Variants in STOM observed in about 807,000 individuals in gnomAD.
The protein encoded by STOM is stomatin.
STOM carries 25 observed loss-of-function variants against 30.6 expected under a neutral mutation model. The observed-to-expected ratio is 0.82, with a 90% confidence interval of 0.60 to 1.14. The LOEUF is 1.14. STOM is among the 50% of genes most tolerant of loss of function. The pLI is 0.00. For missense variants in STOM, 292 were observed against 365.2 expected (o/e 0.80, Z 1.63); for synonymous variants, 118 against 130.8 (o/e 0.90, Z 0.67).
At chr9:121,356,880 G>A (rs961675026) in intron 1 of STOM, among the ~76,000 whole-genome samples, 1 of 152,212 alleles carries the variant, frequency 6.6e-6, no homozygotes, top group Non-Finnish European at 1.5e-5. Flanking sequence ...CTACTGGGAA[G>A]GCTGAGGCAG....
chr9:121,352,994 G>A (rs576370707), intron 4 of STOM, among the ~76,000 whole-genome samples: 1 of 152,290 alleles, frequency 6.6e-6, no homozygotes, highest in Non-Finnish European at 1.5e-5. Flanking sequence ...TCGGGAGGCT[G>A]AGGCACGAGA....
chr9:121,357,668 C>T (rs745458025), intron 1 of STOM, among the ~76,000 whole-genome samples: 2 of 151,774 alleles, frequency 1.3e-5, no homozygotes, highest in Non-Finnish European at 2.9e-5. Context: ...GAACTCCTGA[C>T]GTCAAGTGAT....
At chr9:121,353,393 G>C (rs2064356821) in intron 3 of STOM, 91 bp from the exon 4 acceptor site, 4 of 746,022 alleles carry the variant, frequency 5.4e-6, no homozygotes, top group Non-Finnish European at 2.1e-6. Flanking sequence ...CTAGTGAACT[G>C]AAAAGTCACC....
intron 4 of STOM, 63 bp from the exon 5 acceptor site, chr9:121,349,386 A>T: frequency 2.8e-6 from 4 of 1,403,968 alleles, no homozygotes; most frequent in Non-Finnish European, 4.0e-6. Context: ...AACTGTAAGG[A>T]ATGTTATTCT....
chr9:121,358,703 A>G (rs1175811104), intron 1 of STOM, among the ~76,000 whole-genome samples: 1 of 152,192 alleles, frequency 6.6e-6, no homozygotes, highest in East Asian at 1.9e-4. Context: ...GTGAGGTATC[A>G]CTGGTTTTCT....
intron 1 of STOM, among the ~76,000 whole-genome samples, chr9:121,359,009 T>C (rs1047940967): frequency 1.1e-4 from 17 of 152,204 alleles, no homozygotes; most frequent in African/African-American, 4.1e-4. Flanking sequence ...TCCTCATTTT[T>C]AGTTTGCTTT....
At chr9:121,350,951 T>C (rs1377578352) in intron 4 of STOM, among the ~76,000 whole-genome samples, 1 of 152,226 alleles carries the variant, frequency 6.6e-6, no homozygotes, top group Non-Finnish European at 1.5e-5. Context: ...TCCCATGACA[T>C]GATGGGAAAA....
At chr9:121,343,974 C>A (rs2064268205) in intron 6 of STOM, among the ~76,000 whole-genome samples, 1 of 152,078 alleles carries the variant, frequency 6.6e-6, no homozygotes, top group African/African-American at 2.4e-5. Context: ...GTTTGGGGAG[C>A]TATTCTCCCT....
chr9:121,342,008 C>A (rs1426399088), intron 6 of STOM, among the ~76,000 whole-genome samples: 2 of 152,098 alleles, frequency 1.3e-5, no homozygotes, highest in Non-Finnish European at 2.9e-5. Context: ...TAGCATTAAA[C>A]AACAGCCATC....
At chr9:121,345,142 G>A (rs2064278104) in intron 6 of STOM, among the ~76,000 whole-genome samples, 1 of 152,178 alleles carries the variant, frequency 6.6e-6, no homozygotes, top group African/African-American at 2.4e-5. Context: ...TCTAGTACAT[G>A]CCTTTTGGTA....
intron 1 of STOM, among the ~76,000 whole-genome samples, chr9:121,367,994 T>C (rs1363164175): frequency 6.6e-6 from 1 of 152,208 alleles, no homozygotes; most frequent in Non-Finnish European, 1.5e-5. Flanking sequence ...GAATAATGAC[T>C]TTTTCCTTGT....
intron 4 of STOM, among the ~76,000 whole-genome samples, chr9:121,352,519 T>C (rs941288530): frequency 6.6e-6 from 1 of 152,228 alleles, no homozygotes; most frequent in Non-Finnish European, 1.5e-5. Flanking sequence ...AGTTTTTTCC[T>C]AATATTTTCA....
intron 4 of STOM, among the ~76,000 whole-genome samples, chr9:121,350,389 G>A (rs1263818091): frequency 6.6e-6 from 1 of 152,236 alleles, no homozygotes; most frequent in Non-Finnish European, 1.5e-5. Context: ...CCTTACTGTA[G>A]TGACATTATT....
Position 121,339,774 on chromosome 9 carries a change from C to T in STOM, c.*1428G>A. 8.2e-7 allele frequency: 1 copy of T among 1,222,312 alleles called. No individual in the cohort carries two copies. The highest frequency in any genetic ancestry group is 3.2e-5 in the East Asian group (1 of 30,970). 75.7% of individuals were successfully genotyped at this position (1,222,312 alleles called of 1,614,324 possible). ...GAATTTGTTGTCCAGAGGAGCTGAC[C>T]AGTTCCTCTTTCAGCATCAATATAC... is the stretch of plus-strand genomic sequence containing the variant. On this transcript the variant is annotated 3_prime_UTR_variant, in exon 7 of 7. Coordinates refer to ENST00000286713, the MANE Select transcript of STOM (RefSeq NM_004099.6).
At position 121,340,592 on chromosome 9, in the gene STOM, A is replaced by ATAC. The variant is rs2064236951; in HGVS notation, c.*607_*609dup. The ATAC allele has an allele frequency of 1.7e-6, 1 of 574,552 alleles. No homozygotes were observed. The highest frequency in any genetic ancestry group is 2.0e-5 in the African/African-American group (1 of 48,998). The allele number at this position is 574,552 out of a possible 1,614,324, so 35.6% of individuals were successfully genotyped here. A position where few individuals can be genotyped will look rare whatever the true frequency, so the allele number is the denominator to read the frequency against. ...TCTCTACTAAAAAACAATAATAATAATACAAAAATTAGCTGGGCATGGTGG... is the reference window on the plus strand; with the variant it reads ...TCTCTACTAAAAAACAATAATAATAATACTACAAAAATTAGCTGGGCATGGTGG... On this transcript the variant is annotated 3_prime_UTR_variant, in exon 7 of 7. Transcript: ENST00000286713.
chr9:121,353,192 T>C (rs1484311118), intron 4 of STOM, 28 bp downstream of exon 4: 2 of 1,413,518 alleles, frequency 1.4e-6, no homozygotes, highest in Admixed American at 1.8e-5. Flanking sequence ...TCACATATGA[T>C]ACCTCAGTTA....
At chr9:121,347,681 G>A (rs1390955167) in intron 6 of STOM, among the ~76,000 whole-genome samples, 1 of 152,168 alleles carries the variant, frequency 6.6e-6, no homozygotes, top group African/African-American at 2.4e-5. Flanking sequence ...ATAAAAGAAT[G>A]AGGTAACTCT....
chr9:121,347,505 A>G (rs777630423), intron 6 of STOM, among the ~76,000 whole-genome samples: 10 of 152,230 alleles, frequency 6.6e-5, no homozygotes, highest in Non-Finnish European at 1.5e-4. Context: ...AATAGGAAAC[A>G]GTAAAAGGGA....
chr9:121,355,391 A>C (rs1355346783), intron 2 of STOM, among the ~76,000 whole-genome samples: 2 of 151,108 alleles, frequency 1.3e-5, no homozygotes, highest in Non-Finnish European at 3.0e-5. Context: ...CTGGCTCAAA[A>C]AAAAAAAAAA....
Sources: gnomAD v4.1 joint callset for allele counts (sites outside exome capture counted in the v4.1 genomes callset) on GRCh38, gnomAD v4.1.1 for gene constraint, MANE v1.5 for transcripts, NCBI Gene and HGNC (gene_info 2026-07-23, HGNC 2026-07-21) for gene names.